The following ABLIM2 variants were observed in gnomAD, a reference collection of about 807,000 sequenced individuals.
The protein encoded by ABLIM2 is actin-binding LIM protein 2.
ABLIM2 carries 53 observed loss-of-function variants against 97.7 expected under a neutral mutation model. The observed-to-expected ratio is 0.54, with a 90% CI of 0.44 to 0.68. ABLIM2 has a LOEUF of 0.68. Ranked by LOEUF, ABLIM2 falls within the 30% of genes least tolerant of loss-of-function variation. The pLI is 0.00. For missense variants in ABLIM2, 835 were observed against 867.2 expected, an observed-to-expected ratio of 0.96 and a Z score of 0.47; for synonymous variants, 361 against 345.8, an observed-to-expected ratio of 1.04 and a Z score of -0.49.
intron 18 of ABLIM2, 145 bp from the exon 19 acceptor site, chr4:7,983,699 T>A: frequency 9.8e-7 from 1 of 1,024,094 alleles, no homozygotes; most frequent in African/African-American, 1.6e-5. Context: ...CAGCCTGCAC[T>A]GAGGCCCTAA....
Position 8,058,730 on chromosome 4 carries a change from T to A in ABLIM2, c.763+2237A>T, listed in dbSNP as rs1413214339. Among the ~76,000 whole-genome samples, 4 of 152,102 alleles carry A rather than the reference T, an allele frequency of 2.6e-5. No homozygotes were observed. Among genetic ancestry groups the A allele is most frequent in the Non-Finnish European group, 5.9e-5 (4 of 68,016 alleles). ...TTAGGCCTCGAACTTTGCCCAGGTC[T>A]CCACCATCACCCTCCCAACCCATCC... On this transcript the variant is annotated intron_variant, in intron 7 of 20. Transcript: ENST00000447017. This position sits in a 1 kb window ranked among gnomAD's most constrained non-coding sequence, Gnocchi z 4.2.
intron 20 of ABLIM2, among the ~76,000 whole-genome samples, chr4:7,981,252 C>G (rs1365492530): frequency 6.6e-6 from 1 of 152,012 alleles, no homozygotes; most frequent in African/African-American, 2.4e-5. Flanking sequence ...GCAAACAACC[C>G]CTTGTCTTAA....
chr4:8,077,688 G>A lies in ABLIM2; in HGVS notation c.615C>T (p.His205=), dbSNP rs368284504. 19 of 1,612,956 alleles carry A rather than the reference G, an allele frequency of 1.2e-5. No homozygotes were observed. The highest frequency in any genetic ancestry group is 4.0e-5 in the African/African-American group (3 of 74,942). Residue 205 remains histidine, a synonymous_variant, in exon 6 of 21, where the codon CAC becomes CAT. Transcript: ENST00000447017. The part of the protein sequence containing the change: ...DGLPYCEADY[H]AKFGIRCDSC... The stretch of plus-strand genomic sequence containing the variant: ...TGTCACAGCGGATGCCGAACTTGGC[G>A]TGATAGTCAGCTTCGCAGTAGGGCA...
At chr4:7,972,210 C>A (rs1728684532) in intron 20 of ABLIM2, among the ~76,000 whole-genome samples, 1 of 152,198 alleles carries the variant, frequency 6.6e-6, no homozygotes, top group Non-Finnish European at 1.5e-5. Context: ...CTTAGCGGGG[C>A]AATGACGTGG....
At chr4:8,156,963 A>G (rs1366133004) in intron 1 of ABLIM2, among the ~76,000 whole-genome samples, 1 of 152,172 alleles carries the variant, frequency 6.6e-6, no homozygotes, top group Non-Finnish European at 1.5e-5. Flanking sequence ...GGCTGGATTG[A>G]TTCAGAGGGT....
chr4:7,965,803 T>C lies in ABLIM2; in HGVS notation c.*1187A>G, dbSNP rs1225126410. 1 of 148,714 alleles carries C rather than the reference T, an allele frequency of 6.7e-6. No homozygotes were observed. Among genetic ancestry groups the C allele is most frequent in the East Asian group, 1.9e-4 (1 of 5,172 alleles). The allele number at this position is 148,714 out of a possible 1,614,324, so 9.2% of individuals were successfully genotyped here. A position where few individuals can be genotyped will look rare whatever the true frequency, so the allele number is the denominator to read the frequency against. ...ACATCTCCATCCTATCTCCATCCTATCTCCATCCTTCTCTCCCCAACAGCG... is the reference window on the plus strand; with the variant it reads ...ACATCTCCATCCTATCTCCATCCTACCTCCATCCTTCTCTCCCCAACAGCG... On this transcript the variant is annotated 3_prime_UTR_variant, in exon 21 of 21. Transcript: ENST00000447017.
chr4:7,966,860 G>GCCGGGGGCCCCCCCC lies in ABLIM2; in HGVS notation c.*129_*130insGGGGGGGGCCCCCGG. On this transcript the variant is annotated 3_prime_UTR_variant, in exon 21 of 21. Coordinates refer to ENST00000447017, the MANE Select transcript of ABLIM2 (RefSeq NM_001130083.2). ...GGTGCAGGGGCCGCACCTGCTGGGG[G>GCCGGGGGCCCCCCCC]ACCCCCTCCCGCCCACCCCATGGAC... 1 of 298,826 alleles carries GCCGGGGGCCCCCCCC rather than the reference G, an allele frequency of 3.3e-6. No homozygotes were observed. The highest frequency in any genetic ancestry group is 6.6e-6 in the Non-Finnish European group (1 of 150,644). 18.5% of individuals were successfully genotyped at this position (298,826 alleles called of 1,614,324 possible).
chr4:8,040,597 C>T (rs1311358973), intron 9 of ABLIM2, among the ~76,000 whole-genome samples: 9 of 146,214 alleles, frequency 6.2e-5, no homozygotes, highest in Non-Finnish European at 1.0e-4. Flanking sequence ...GGCGACAGAG[C>T]GAGACTCCAT....
Position 8,140,775 on chromosome 4 carries a change from C to T in ABLIM2, c.10+17905G>A, listed in dbSNP as rs1168379311. ...CATGTGGAAGGAGGGAAAGGGCTGA[C>T]GATATTCAGAAAAGAGTGCATTTAC... On this transcript the variant is annotated intron_variant, in intron 1 of 20. Coordinates refer to ENST00000447017, the MANE Select transcript of ABLIM2 (RefSeq NM_001130083.2). The surrounding 1 kb of genome is among the most constrained non-coding windows in gnomAD (Gnocchi z 5.9). Among the ~76,000 whole-genome samples the T allele has an allele frequency of 2.6e-5, 4 of 152,134 alleles. No homozygotes were observed. Among genetic ancestry groups the T allele is most frequent in the South Asian group, 4.2e-4 (2 of 4,810 alleles).
intron 17 of ABLIM2, among the ~76,000 whole-genome samples, chr4:7,988,858 C>T (rs961187447): frequency 1.3e-5 from 2 of 152,158 alleles, no homozygotes; most frequent in East Asian, 3.8e-4. Context: ...CACATGTGTT[C>T]TTTTCAGCAT....
intron 2 of ABLIM2, among the ~76,000 whole-genome samples, chr4:8,106,216 C>T (rs77962525): frequency 0.022 from 3,360 of 152,294 alleles, 77 homozygotes; most frequent in African/African-American, 0.052. Flanking sequence ...GGCCGCAGGA[C>T]CAGAATTCTC....
Position 7,985,035 on chromosome 4 carries a change from G to A in ABLIM2, c.1681-142C>T, listed in dbSNP as rs1381630976. The stretch of plus-strand genomic sequence containing the variant: ...TAGGGTGTCCTTAGCACAGCAGTGG[G>A]GCGTGACAGAAGGACAGCAACAGTG... On this transcript the variant is annotated intron_variant, in intron 17 of 20. Coordinates refer to ENST00000447017, the MANE Select transcript of ABLIM2 (RefSeq NM_001130083.2). 6.3e-6 allele frequency: 5 copies of A among 799,662 alleles called. No homozygotes were observed. The African/African-American group carries it at 8.6e-5, about 14-fold the overall frequency. 49.5% of individuals were successfully genotyped at this position (799,662 alleles called of 1,614,324 possible).
Position 8,003,849 on chromosome 4 carries a change from G to A in ABLIM2, c.1618+4210C>T, listed in dbSNP as rs538334492. Among the ~76,000 whole-genome samples the A allele has an allele frequency of 8.1e-4, 123 of 152,206 alleles. 1 individual carries two copies. The highest frequency in any genetic ancestry group is 2.0e-3 in the Admixed American group (31 of 15,292). On this transcript the variant is annotated intron_variant, in intron 16 of 20. Coordinates refer to ENST00000447017, the MANE Select transcript of ABLIM2 (RefSeq NM_001130083.2). The surrounding 1 kb of genome is among the most constrained non-coding windows in gnomAD (Gnocchi z 4.2). ...CAAAGTGCTGGGATTACAGGCATGAGCCACTGTGCCTGGCCCTCTTCTTCC... is the reference window on the plus strand; with the variant it reads ...CAAAGTGCTGGGATTACAGGCATGAACCACTGTGCCTGGCCCTCTTCTTCC...
At chr4:8,039,846 T>C (rs1050799937) in intron 9 of ABLIM2, among the ~76,000 whole-genome samples, 1 of 151,598 alleles carries the variant, frequency 6.6e-6, no homozygotes, top group African/African-American at 2.4e-5. Context: ...ATGTAAATGC[T>C]TTAATTTCCT....
rs979149124 is a variant in ABLIM2 at position 8,066,721 on chromosome 4, G to A, written c.676-5667C>T. 2.0e-5 allele frequency: 3 copies of A among 152,120 alleles called. No homozygotes were observed. The East Asian group carries it at 5.8e-4, about 29-fold the overall frequency. The allele number at this position is 152,120 out of a possible 1,614,324, so 9.4% of individuals were successfully genotyped here. A position where few individuals can be genotyped will look rare whatever the true frequency, so the allele number is the denominator to read the frequency against. The stretch of plus-strand genomic sequence containing the variant: ...GGCAAATCCATGGAGACAGAAAGCA[G>A]GTGAGTGGCTGCCAGAGGCTGGGGG... On this transcript the variant is annotated intron_variant, in intron 6 of 20. Coordinates refer to ENST00000447017, the MANE Select transcript of ABLIM2 (RefSeq NM_001130083.2).
Position 8,071,754 on chromosome 4 carries a change from G to A in ABLIM2, c.675+5874C>T, listed in dbSNP as rs1404503936. 2.0e-6 allele frequency: 2 copies of A among 985,316 alleles called. No individual in the cohort carries two copies. Among genetic ancestry groups the A allele is most frequent in the Non-Finnish European group, 2.4e-6 (2 of 830,014 alleles). The allele number at this position is 985,316 out of a possible 1,614,324, so 61.0% of individuals were successfully genotyped here. Reference sequence around the variant, plus strand: ...CCCCCATCAGCCCCTTGGAGTTGCGGGCCAGGTTTCCTACCTGCACAGCTT... The same window carrying A: ...CCCCCATCAGCCCCTTGGAGTTGCGAGCCAGGTTTCCTACCTGCACAGCTT... On this transcript the variant is annotated intron_variant, in intron 6 of 20. Coordinates refer to ENST00000447017, the MANE Select transcript of ABLIM2 (RefSeq NM_001130083.2). This position sits in a 1 kb window ranked among gnomAD's most constrained non-coding sequence, Gnocchi z 6.2.
chr4:8,017,777 A>C lies in ABLIM2; in HGVS notation c.1423+1841T>G, dbSNP rs149582300. On this transcript the variant is annotated intron_variant, in intron 14 of 20. Coordinates refer to ENST00000447017, the MANE Select transcript of ABLIM2 (RefSeq NM_001130083.2). ...GGGAGGCTGAAGCGGGTGGATCACA[A>C]GGTCAAAAGATTGAGATCATCCTGG... Among the ~76,000 whole-genome samples, 634 of 152,308 alleles carry C rather than the reference A, an allele frequency of 4.2e-3. 6 individuals carry two copies. The highest frequency in any genetic ancestry group is 4.6e-3 in the Non-Finnish European group (314 of 68,012).
rs865970825 is a variant in ABLIM2, at chr4:8,044,754, C to T, written c.900+410G>A. On this transcript the variant is annotated intron_variant, in intron 9 of 20. Transcript: ENST00000447017. The surrounding 1 kb of genome is among the most constrained non-coding windows in gnomAD (Gnocchi z 4.4). ...CTTAACTTGCTTCTTTTAGGGAACA[C>T]GCTGGGAGAGCGTGCGTGTTGATGT... Among the ~76,000 whole-genome samples, 9 of 152,034 alleles carry T rather than the reference C, an allele frequency of 5.9e-5. No homozygotes were observed. Among genetic ancestry groups the T allele is most frequent in the Non-Finnish European group, 8.8e-5 (6 of 68,022 alleles).
In ABLIM2 at chr4:8,054,239, G is replaced by T. The variant is rs753653078; in HGVS notation, c.771C>A (p.Ser257=). 2 of 1,613,934 alleles carry T rather than the reference G, an allele frequency of 1.2e-6. No homozygotes were observed. Among genetic ancestry groups the T allele is most frequent in the Non-Finnish European group, 1.7e-6 (2 of 1,179,904 alleles). Residue 257 remains serine (S), a synonymous_variant, in exon 8 of 21, where the codon TCC becomes TCA. Transcript: ENST00000447017. The surrounding 1 kb of genome is among the most constrained non-coding windows in gnomAD (Gnocchi z 4.9). ...CTTGTCGACACGCCGGATGCCAGAT[G>T]GAGGAACCTGTTGACAAATTCCCAA... ...EGEEMYLQGS[S]IWHPACRQAA...
Sources: allele counts gnomAD v4.1 joint callset (sites outside exome capture counted in the v4.1 genomes callset), GRCh38; gene constraint gnomAD v4.1.1; non-coding constraint Gnocchi (gnomAD v3.1); transcripts MANE v1.5; gene names NCBI Gene and HGNC (gene_info 2026-07-23, HGNC 2026-07-21).